TLK2: variants seen among roughly 807,000 people sequenced by gnomAD.
TLK2 encodes the protein tousled like kinase 2.
TLK2 carries 6 observed loss-of-function variants against 117.3 expected under a neutral mutation model. That is an observed-to-expected ratio of 0.05 (90% CI 0.03 to 0.10). The LOEUF (loss-of-function observed/expected upper bound fraction) is 0.10, where lower values mean the gene tolerates loss of function less well. Ranked by LOEUF, TLK2 falls within the 10% of genes least tolerant of loss-of-function variation. The pLI, the probability that TLK2 is intolerant of heterozygous loss-of-function variation, is 1.00. For missense variants in TLK2, 299 were observed against 901.2 expected, an observed-to-expected ratio of 0.33 and a Z score of 8.56; for synonymous variants, 257 against 316.7, an observed-to-expected ratio of 0.81 and a Z score of 2.00.
chr17:62,603,237 T>C, intron 19 of TLK2, among the ~76,000 whole-genome samples: 1 of 152,198 alleles, frequency 6.6e-6, no homozygotes, highest in Admixed American at 6.5e-5. Flanking sequence ...GTGCTCATCG[T>C]GAAGCCTGCC....
At position 62,614,277 on chromosome 17, in the gene TLK2, GA is replaced by G. The variant is rs1254857795; in HGVS notation, c.*1715del. ...AGACGGGTGGCCCCACCGTGCCCTT[GA>G]AACAGCAGAGCACTCCTCAGTAGAG... is the stretch of plus-strand genomic sequence containing the variant. On this transcript the variant is annotated 3_prime_UTR_variant, in exon 22 of 22. Coordinates refer to ENST00000346027, the MANE Select transcript of TLK2 (RefSeq NM_006852.6). 6.6e-6 allele frequency: 1 copy of G among 152,218 alleles called. No homozygotes were observed. The highest frequency in any genetic ancestry group is 1.5e-5 in the Non-Finnish European group (1 of 68,054). The allele number at this position is 152,218 out of a possible 1,614,324, so 9.4% of individuals were successfully genotyped here.
intron 9 of TLK2, among the ~76,000 whole-genome samples, chr17:62,555,119 G>A (rs947738996): frequency 8.6e-5 from 13 of 151,980 alleles, no homozygotes; most frequent in African/African-American, 3.1e-4. Flanking sequence ...GAAGGTATAG[G>A]TTTAATCCTT....
At chr17:62,571,771 T>A (rs922075725) in intron 11 of TLK2, among the ~76,000 whole-genome samples, 7 of 152,182 alleles carry the variant, frequency 4.6e-5, no homozygotes, top group Non-Finnish European at 8.8e-5. Context: ...GGTTTTCTGC[T>A]TGTCGTTCTT....
intron 2 of TLK2, among the ~76,000 whole-genome samples, chr17:62,487,076 G>T (rs1407914014): frequency 6.6e-6 from 1 of 152,136 alleles, no homozygotes; most frequent in Non-Finnish European, 1.5e-5. Context: ...GGCAGATCAC[G>T]AGGTCAGGAG....
intron 7 of TLK2, among the ~76,000 whole-genome samples, chr17:62,541,205 G>A (rs2077507951): frequency 6.6e-6 from 1 of 152,100 alleles, no homozygotes; most frequent in Non-Finnish European, 1.5e-5. Flanking sequence ...TAGGCCCTGC[G>A]TTGTTTTTCT....
At position 62,514,957 on chromosome 17, in the gene TLK2, C is replaced by A. The variant is rs547277367; in HGVS notation, c.82-5816C>A. On this transcript the variant is annotated intron_variant, in intron 2 of 21. Transcript: ENST00000346027. ...GTAGTAAATACATTCATATTGTTTGCATCCAATTTCCAGAACTTTTTTTGC... is the reference window on the plus strand; with the variant it reads ...GTAGTAAATACATTCATATTGTTTGAATCCAATTTCCAGAACTTTTTTTGC... 1.4e-4 allele frequency among the ~76,000 whole-genome samples: 22 copies of A among 152,314 alleles called. No individual in the cohort carries two copies. The East Asian group carries it at 4.2e-3, about 29-fold the overall frequency.
chr17:62,591,947 T>C (rs1430308508), intron 16 of TLK2, among the ~76,000 whole-genome samples: 1 of 152,066 alleles, frequency 6.6e-6, no homozygotes, highest in African/African-American at 2.4e-5. Context: ...AAGAACTACA[T>C]TCTTTCTTCT....
At chr17:62,609,738 A>G (rs1278234960) in intron 21 of TLK2, among the ~76,000 whole-genome samples, 1 of 152,366 alleles carries the variant, frequency 6.6e-6, no homozygotes, top group East Asian at 1.9e-4. Flanking sequence ...ACTCAGTAGT[A>G]GCTGTGTAAC....
chr17:62,511,646 A>C (rs1018303229), intron 2 of TLK2, among the ~76,000 whole-genome samples: 9 of 152,236 alleles, frequency 5.9e-5, no homozygotes, highest in African/African-American at 2.2e-4. Context: ...CTAGAATTAC[A>C]GGTGTGAGCC....
At chr17:62,508,424 G>A (rs926180764) in intron 2 of TLK2, 1 of 962,690 alleles carries the variant, frequency 1.0e-6, no homozygotes, top group African/African-American at 1.8e-5. Flanking sequence ...TAGAAAAGAG[G>A]AGGAAAAAAC....
intron 2 of TLK2, among the ~76,000 whole-genome samples, chr17:62,510,137 G>C (rs1268183682): frequency 1.3e-5 from 2 of 152,184 alleles, no homozygotes; most frequent in Admixed American, 1.3e-4. Context: ...GCCAGACGTG[G>C]TGGCATGTGC....
At chr17:62,563,790 TAAA>T (rs1300002050) in intron 10 of TLK2, among the ~76,000 whole-genome samples, 1 of 152,226 alleles carries the variant, frequency 6.6e-6, no homozygotes, top group Non-Finnish European at 1.5e-5. Flanking sequence ...TAATTGGTTT[TAAA>T]TAAACCTGTG....
At chr17:62,576,379 G>T (rs1446866918) in intron 12 of TLK2, among the ~76,000 whole-genome samples, 1 of 152,128 alleles carries the variant, frequency 6.6e-6, no homozygotes, top group East Asian at 1.9e-4. Context: ...AAAATTTTTA[G>T]AGAATTTTTG....
rs1046653877 is a variant in TLK2 at position 62,578,425 on chromosome 17, G to A, written c.1189-52G>A. On this transcript the variant is annotated intron_variant, in intron 13 of 21. Coordinates refer to ENST00000346027, the MANE Select transcript of TLK2 (RefSeq NM_006852.6). ...GCTATTGTTTTTGAAATAAGATCCC[G>A]AAAAGGTAAAGTTCCCCCTATTTTG... The A allele has an allele frequency of 1.6e-5, 23 of 1,461,594 alleles. 1 individual carries two copies. The highest frequency in any genetic ancestry group is 7.0e-5 in the African/African-American group (5 of 71,650). The allele number at this position is 1,461,594 out of a possible 1,614,324, so 90.5% of individuals were successfully genotyped here. A position where few individuals can be genotyped will look rare whatever the true frequency, so the allele number is the denominator to read the frequency against.
At chr17:62,600,198 T>G (rs2082772443) in intron 17 of TLK2, 1 of 152,686 alleles carries the variant, frequency 6.5e-6, no homozygotes, top group African/African-American at 2.4e-5. Flanking sequence ...TAGCCAAAAT[T>G]GCGCCACTGC....
chr17:62,594,776 A>G (rs1356980223), intron 16 of TLK2, among the ~76,000 whole-genome samples: 1 of 149,378 alleles, frequency 6.7e-6, no homozygotes, highest in Non-Finnish European at 1.5e-5. Flanking sequence ...ATGCCATCCC[A>G]TTGCAGGGCG....
At position 62,552,517 on chromosome 17, in the gene TLK2, T is replaced by G; in HGVS notation, c.627+120T>G. ...GTATTTCTCTGACCACCTCATTATT[T>G]GTGTGTATTATATTCATAACTTGCA... On this transcript the variant is annotated intron_variant, in intron 8 of 21. Transcript: ENST00000346027. 5.3e-6 allele frequency: 8 copies of G among 1,505,124 alleles called. No individual in the cohort carries two copies. In the South Asian group the frequency reaches 6.5e-5, roughly 12 times the overall value. 93.2% of individuals were successfully genotyped at this position (1,505,124 alleles called of 1,614,324 possible). A position where few individuals can be genotyped will look rare whatever the true frequency, so the allele number is the denominator to read the frequency against.
At chr17:62,550,382 TTTA>T (rs1167172299) in intron 7 of TLK2, 2 of 152,244 alleles carry the variant, frequency 1.3e-5, no homozygotes, top group African/African-American at 4.8e-5. Flanking sequence ...TGATTGTGTA[TTTA>T]TTATATGATT....
chr17:62,481,225 A>G lies in TLK2; in HGVS notation c.81+19A>G. 1 of 1,613,090 alleles carries G rather than the reference A, an allele frequency of 6.2e-7. No homozygotes were observed. On this transcript the variant is annotated intron_variant, in intron 2 of 21. Transcript: ENST00000346027. The stretch of plus-strand genomic sequence containing the variant: ...TAGTAAGGTGAGTAAAATGATGATC[A>G]TGAACACTATTCATATTCTAATTTA...
Sources: gnomAD v4.1 joint callset for allele counts (sites outside exome capture counted in the v4.1 genomes callset) on GRCh38, gnomAD v4.1.1 for gene constraint, MANE v1.5 for transcripts, NCBI Gene and HGNC (gene_info 2026-07-23, HGNC 2026-07-21) for gene names.